NEBL: variants seen among roughly 807,000 people sequenced by gnomAD.
NEBL encodes the protein LIM and SH3 protein 2.
A neutral mutation model predicts 140.2 loss-of-function variants in NEBL; 122 were observed. The observed-to-expected ratio is 0.87, with a 90% CI of 0.75 to 1.01. The LOEUF is 1.01. Among genes scored for constraint, NEBL ranks in the 50% least tolerant of loss-of-function variants. The pLI, the probability that NEBL is intolerant of heterozygous loss-of-function variation, is 0.00. For synonymous variants in NEBL, 436 were observed against 398.9 expected, an observed-to-expected ratio of 1.09 and a Z score of -1.11; for missense variants, 1,365 against 1,231.3, an observed-to-expected ratio of 1.11 and a Z score of -1.62.
intron 4 of NEBL, among the ~76,000 whole-genome samples, chr10:20,923,123 C>G (rs1833674204): frequency 6.6e-6 from 1 of 152,106 alleles, no homozygotes; most frequent in Non-Finnish European, 1.5e-5. Flanking sequence ...GGCTGGAGTG[C>G]AGTGGTGCCA....
chr10:20,839,298 T>C (rs1311370401), intron 13 of NEBL, among the ~76,000 whole-genome samples: 2 of 152,210 alleles, frequency 1.3e-5, no homozygotes, highest in African/African-American at 2.4e-5. Flanking sequence ...AGACAATCTC[T>C]GCATGTGGAT....
intron 4 of NEBL, among the ~76,000 whole-genome samples, chr10:20,912,391 C>T (rs1005754464): frequency 1.3e-5 from 2 of 152,142 alleles, no homozygotes; most frequent in Non-Finnish European, 2.9e-5. Context: ...GTTCAGGCTG[C>T]AATGCGCTAC....
upstream of NEBL, among the ~76,000 whole-genome samples, chr10:21,176,419 C>T (rs779320597): frequency 1.3e-5 from 2 of 152,124 alleles, no homozygotes; most frequent in African/African-American, 2.4e-5. Context: ...TCTGAAGAAG[C>T]GATACATGCT....
At chr10:20,835,063 G>C (rs908252983) in intron 14 of NEBL, among the ~76,000 whole-genome samples, 1 of 152,116 alleles carries the variant, frequency 6.6e-6, no homozygotes, top group African/African-American at 2.4e-5. Flanking sequence ...GTCAACAAAG[G>C]CTATTTTAAG....
intron 2 of NEBL, among the ~76,000 whole-genome samples, chr10:21,117,162 C>T (rs989036634): frequency 1.3e-5 from 2 of 151,882 alleles, no homozygotes; most frequent in Non-Finnish European, 2.9e-5. Flanking sequence ...TGGTCAAGGG[C>T]AAATTTGGCT....
At chr10:20,853,591 T>C (rs962472766) in intron 9 of NEBL, among the ~76,000 whole-genome samples, 1 of 152,126 alleles carries the variant, frequency 6.6e-6, no homozygotes, top group Non-Finnish European at 1.5e-5. Flanking sequence ...CTCACTCATA[T>C]GTGGGAGCTA....
rs74123535 is a variant in NEBL at position 20,890,019 on chromosome 10, A to T, written c.154-70T>A. The T allele has an allele frequency of 4.0e-3, 4,015 of 1,008,000 alleles. 106 individuals are homozygous for T. In the African/African-American group the frequency reaches 0.056, roughly 14 times the overall value. The allele number at this position is 1,008,000 out of a possible 1,614,324, so 62.4% of individuals were successfully genotyped here. A position where few individuals can be genotyped will look rare whatever the true frequency, so the allele number is the denominator to read the frequency against. Reference sequence around the variant, plus strand: ...ATTCTAATGGCCTTTTTTGAATGATAATTAGGTTGATAAAGTCCATTTACT... The same window carrying T: ...ATTCTAATGGCCTTTTTTGAATGATTATTAGGTTGATAAAGTCCATTTACT... On this transcript the variant is annotated intron_variant, in intron 2 of 27. Coordinates refer to ENST00000377122, the MANE Select transcript of NEBL (RefSeq NM_006393.3).
At chr10:20,964,540 T>C (rs1004593757) in intron 3 of NEBL, among the ~76,000 whole-genome samples, 5 of 152,192 alleles carry the variant, frequency 3.3e-5, no homozygotes, top group African/African-American at 1.2e-4. Flanking sequence ...AGCTCTCACG[T>C]GAACTCATTG....
chr10:21,275,844 G>A (rs1411812080), intron 1 of NEBL, among the ~76,000 whole-genome samples: 2 of 138,196 alleles, frequency 1.4e-5, no homozygotes, highest in African/African-American at 5.5e-5. Flanking sequence ...TTTTAGTAGA[G>A]ACGGGGTTTC....
At chr10:21,189,703 G>A (rs1189600658) in intron 3 of NEBL, among the ~76,000 whole-genome samples, 1 of 152,068 alleles carries the variant, frequency 6.6e-6, no homozygotes, top group African/African-American at 2.4e-5. Context: ...TCCTGACCTC[G>A]TGATCTGCCC....
intron 2 of NEBL, among the ~76,000 whole-genome samples, chr10:21,078,211 C>T (rs776276214): frequency 6.6e-6 from 1 of 152,168 alleles, no homozygotes; most frequent in African/African-American, 2.4e-5. Context: ...AAAATAGACT[C>T]TTTCTAATGA....
chr10:21,020,209 G>A, intron 2 of NEBL: 1 of 1,612,038 alleles, frequency 6.2e-7, no homozygotes. Context: ...TGTCTGTGGG[G>A]AAATTTTTTA....
intron 2 of NEBL, among the ~76,000 whole-genome samples, chr10:21,134,351 C>T (rs922817515): frequency 2.0e-5 from 3 of 152,134 alleles, no homozygotes; most frequent in African/African-American, 7.2e-5. Context: ...ACAATGTATT[C>T]TTATTTTCTA....
At chr10:21,271,319 A>T (rs1201884542) in intron 1 of NEBL, among the ~76,000 whole-genome samples, 3 of 152,184 alleles carry the variant, frequency 2.0e-5, no homozygotes, top group African/African-American at 7.2e-5. Flanking sequence ...ACTCCTAAAC[A>T]GGTTCTCAAG....
intron 2 of NEBL, among the ~76,000 whole-genome samples, chr10:21,105,221 A>C (rs1242688955): frequency 6.6e-6 from 1 of 152,158 alleles, no homozygotes; most frequent in East Asian, 1.9e-4. Flanking sequence ...TCGGGGATAC[A>C]TGTGCAGAAC....
chr10:20,898,693 C>A (rs1328639308), upstream of NEBL, among the ~76,000 whole-genome samples: 1 of 152,130 alleles, frequency 6.6e-6, no homozygotes, highest in Non-Finnish European at 1.5e-5. Context: ...AGACCTTCAA[C>A]CAAAAAACCT....
chr10:20,986,460 A>G (rs545609043), intron 3 of NEBL, among the ~76,000 whole-genome samples: 3 of 152,366 alleles, frequency 2.0e-5, no homozygotes, highest in Non-Finnish European at 4.4e-5. Context: ...CTTAATGCCT[A>G]TTAGTGTTAC....
intron 3 of NEBL, among the ~76,000 whole-genome samples, chr10:21,012,704 T>C (rs1386425285): frequency 6.6e-6 from 1 of 152,162 alleles, no homozygotes; most frequent in African/African-American, 2.4e-5. Context: ...TCCTCCTCGA[T>C]AGATAGACTA....
intron 3 of NEBL, among the ~76,000 whole-genome samples, chr10:21,197,143 A>C (rs1841666033): frequency 1.3e-5 from 2 of 152,186 alleles, no homozygotes; most frequent in Admixed American, 6.6e-5. Context: ...TCTTCTAGTG[A>C]ATTTTATCCA....
Sources: allele counts gnomAD v4.1 joint callset (sites outside exome capture counted in the v4.1 genomes callset), GRCh38; gene constraint gnomAD v4.1.1; transcripts MANE v1.5; gene names NCBI Gene and HGNC (gene_info 2026-07-23, HGNC 2026-07-21).